GPHN: variants seen among roughly 807,000 people sequenced by gnomAD.
GPHN encodes gephyrin.
GPHN carries 17 observed loss-of-function variants against 95.5 expected under a neutral mutation model. That is an observed-to-expected ratio of 0.18 (90% CI 0.12 to 0.27). The LOEUF (loss-of-function observed/expected upper bound fraction) is 0.27, where lower values mean the gene tolerates loss of function less well. GPHN is among the 10% of genes least tolerant of loss of function. GPHN has a pLI of 1.00. For synonymous variants in GPHN, 320 were observed against 322.5 expected (o/e 0.99, Z 0.08); for missense variants, 660 against 978.1 (o/e 0.67, Z 4.34).
intron 1 of GPHN, among the ~76,000 whole-genome samples, chr14:66,564,846 A>G (rs2060397560): frequency 6.6e-6 from 1 of 152,102 alleles, no homozygotes; most frequent in Admixed American, 6.6e-5. Context: ...CCTACTATCA[A>G]ATAATATTAT....
At chr14:67,382,220 T>C in the GPHN span, among the ~76,000 whole-genome samples, 3 of 151,960 alleles carry the variant, frequency 2.0e-5, no homozygotes, top group African/African-American at 4.8e-5. Flanking sequence ...GTGAACTGTT[T>C]ATACTATTGC....
intron 2 of GPHN, among the ~76,000 whole-genome samples, chr14:66,757,466 T>C (rs897887455): frequency 3.3e-5 from 5 of 152,168 alleles, no homozygotes; most frequent in Non-Finnish European, 7.3e-5. Flanking sequence ...CTCAGCTCAG[T>C]GCAGCCTCCA....
intron 9 of GPHN, among the ~76,000 whole-genome samples, chr14:66,989,956 C>T (rs922799853): frequency 1.3e-5 from 2 of 152,086 alleles, no homozygotes; most frequent in Admixed American, 6.6e-5. Context: ...CACACAAGAA[C>T]AAGTGTATTA....
At chr14:67,448,438 G>A in the GPHN span, among the ~76,000 whole-genome samples, 10 of 152,184 alleles carry the variant, frequency 6.6e-5, no homozygotes, top group Non-Finnish European at 1.5e-4. Flanking sequence ...AGTCACCAGA[G>A]AGGTATTCAA....
chr14:67,361,653 A>T, the GPHN span, among the ~76,000 whole-genome samples: 2 of 152,242 alleles, frequency 1.3e-5, no homozygotes, highest in African/African-American at 4.8e-5. Flanking sequence ...ACCATTTGTC[A>T]TGCAAAATAA....
the GPHN span, among the ~76,000 whole-genome samples, chr14:67,395,221 G>A: frequency 1.3e-5 from 2 of 152,122 alleles, no homozygotes; most frequent in Non-Finnish European, 2.9e-5. Flanking sequence ...GGTAGGTAGG[G>A]CCACTCCCAA....
chr14:66,840,260 C>T (rs1395142251), intron 4 of GPHN, among the ~76,000 whole-genome samples: 1 of 152,078 alleles, frequency 6.6e-6, no homozygotes, highest in Non-Finnish European at 1.5e-5. Context: ...GCCTGGGTAA[C>T]AGAGCGAGAC....
chr14:67,681,117 C>T, the GPHN span, among the ~76,000 whole-genome samples: 298 of 152,276 alleles, frequency 2.0e-3, 1 homozygote, highest in Non-Finnish European at 2.9e-3. Context: ...GTCATCAGGG[C>T]GGGGCCCTAA....
At chr14:67,570,676 T>G in the GPHN span, 1 of 152,224 alleles carries the variant, frequency 6.6e-6, no homozygotes, top group African/African-American at 2.4e-5. Context: ...GCCTTGCTTG[T>G]TCCCCTAACC....
intron 3 of GPHN, among the ~76,000 whole-genome samples, chr14:66,789,360 A>G (rs540862118): frequency 5.3e-5 from 8 of 152,372 alleles, no homozygotes; most frequent in South Asian, 2.1e-4. Flanking sequence ...ATGTGTTACA[A>G]TGTTAACTCA....
chr14:66,591,334 G>A (rs368850876), intron 1 of GPHN, among the ~76,000 whole-genome samples: 1 of 152,162 alleles, frequency 6.6e-6, no homozygotes, highest in Middle Eastern at 3.4e-3. Flanking sequence ...AGAAATAAAG[G>A]GTATTCAAAT....
In GPHN at chr14:66,925,698, G is replaced by T. The variant is rs7151783; in HGVS notation, c.828+1406G>T. ...GCTGATGGACACTCAGGTTGATAAT[G>T]CTGCAATACACATGGAAGTGCAGAT... On this transcript the variant is annotated intron_variant, in intron 8 of 22. Transcript: ENST00000478722. Among the ~76,000 whole-genome samples, 1,422 of 152,100 alleles carry T rather than the reference G, an allele frequency of 9.3e-3. 29 individuals are homozygous for T. Among genetic ancestry groups the T allele is most frequent in the African/African-American group, 0.033 (1,383 of 41,528 alleles).
the GPHN span, chr14:67,646,596 T>A: frequency 6.9e-7 from 1 of 1,453,940 alleles, no homozygotes; most frequent in Non-Finnish European, 9.6e-7. Flanking sequence ...ATGATCTTGG[T>A]GAGAACAAGA....
the GPHN span, chr14:67,467,868 G>C: frequency 6.6e-6 from 1 of 152,196 alleles, no homozygotes; most frequent in Admixed American, 6.5e-5. Flanking sequence ...GTGGCCATCT[G>C]AAATGGGAAG....
the GPHN span, chr14:67,584,202 A>G: frequency 6.8e-7 from 1 of 1,464,886 alleles, no homozygotes; most frequent in Non-Finnish European, 9.4e-7. Flanking sequence ...ACCAATTTGC[A>G]GCCCCTACCT....
intron 8 of GPHN, among the ~76,000 whole-genome samples, chr14:66,932,464 T>TTG (rs1438790333): frequency 2.4e-5 from 3 of 123,622 alleles, no homozygotes; most frequent in Non-Finnish European, 5.4e-5. Flanking sequence ...TTTTTTTTTT[T>TTG]TTTTTTTTTT....
At chr14:67,621,214 C>A in the GPHN span, among the ~76,000 whole-genome samples, 2 of 152,168 alleles carry the variant, frequency 1.3e-5, no homozygotes, top group Non-Finnish European at 2.9e-5. Flanking sequence ...TCAGGGAATG[C>A]AAGTGATGCT....
intron 3 of GPHN, among the ~76,000 whole-genome samples, chr14:66,781,807 C>T (rs929331762): frequency 1.3e-5 from 2 of 152,012 alleles, no homozygotes; most frequent in African/African-American, 4.8e-5. Flanking sequence ...CCATTTGGGA[C>T]GATTATGAAA....
the GPHN span, chr14:67,662,522 TTTC>T: frequency 3.1e-6 from 5 of 1,610,894 alleles, no homozygotes; most frequent in South Asian, 1.1e-5. Context: ...CCCTGATCAA[TTTC>T]TTCTTTTCTT....
Sources: gnomAD v4.1 joint callset for allele counts (sites outside exome capture counted in the v4.1 genomes callset) on GRCh38, gnomAD v4.1.1 for gene constraint, MANE v1.5 for transcripts, NCBI Gene and HGNC (gene_info 2026-07-23, HGNC 2026-07-21) for gene names.